Variants in MSH4 observed in about 807,000 individuals in gnomAD.
MSH4 encodes the protein mutS homolog 4.
In MSH4, 106 loss-of-function variants were observed where a neutral mutation model predicts 113.7. The observed-to-expected ratio is 0.93, with a 90% CI of 0.80 to 1.10. The LOEUF is 1.10. MSH4 is among the 50% of genes least tolerant of loss of function. The pLI is 0.00. For synonymous variants in MSH4, 368 were observed against 380.2 expected, an observed-to-expected ratio of 0.97 and a Z score of 0.37; for missense variants, 1,061 against 1,093.7, an observed-to-expected ratio of 0.97 and a Z score of 0.42.
chr1:75,806,392 C>T (rs1650061802), intron 2 of MSH4, among the ~76,000 whole-genome samples: 1 of 151,762 alleles, frequency 6.6e-6, no homozygotes, highest in Non-Finnish European at 1.5e-5. Flanking sequence ...GGACCACAGG[C>T]ACCTGCCACC....
chr1:75,888,235 C>CTAT (rs1278609762), intron 15 of MSH4, among the ~76,000 whole-genome samples: 7 of 150,690 alleles, frequency 4.6e-5, no homozygotes, highest in Non-Finnish European at 1.0e-4. Flanking sequence ...TTTTTTGCTG[C>CTAT]TATTATTTCA....
At chr1:75,822,288 C>CAAAAA (rs33965683) in intron 6 of MSH4, 121 bp from the exon 7 acceptor site, 14 of 387,174 alleles carry the variant, frequency 3.6e-5, no homozygotes, top group South Asian at 6.6e-5. Context: ...GACTCTGTTT[C>CAAAAA]AAAAAAAAAA....
At chr1:75,889,132 C>T (rs1652194668) in intron 15 of MSH4, 119 bp from the exon 16 acceptor site, 2 of 544,674 alleles carry the variant, frequency 3.7e-6, no homozygotes, top group Non-Finnish European at 3.3e-6. Flanking sequence ...TCTTCTAATG[C>T]CATATCTAGT....
intron 6 of MSH4, among the ~76,000 whole-genome samples, chr1:75,817,655 T>C (rs1051804972): frequency 6.6e-6 from 1 of 152,202 alleles, no homozygotes; most frequent in Non-Finnish European, 1.5e-5. Context: ...AAGATGGATA[T>C]TCTACGTACT....
chr1:75,889,717 A>C (rs1652209660), intron 16 of MSH4, among the ~76,000 whole-genome samples: 1 of 152,138 alleles, frequency 6.6e-6, no homozygotes, highest in African/African-American at 2.4e-5. Flanking sequence ...TTTAAAACAA[A>C]AGATTACTGT....
chr1:75,834,184 C>T (rs1451028415), intron 7 of MSH4, among the ~76,000 whole-genome samples: 1 of 152,214 alleles, frequency 6.6e-6, no homozygotes, highest in African/African-American at 2.4e-5. Flanking sequence ...AAAAAGTACT[C>T]CTTATCACTG....
intron 7 of MSH4, among the ~76,000 whole-genome samples, chr1:75,834,845 C>T (rs1479729525): frequency 1.3e-5 from 2 of 152,092 alleles, no homozygotes; most frequent in African/African-American, 4.8e-5. Context: ...ACGGGTGCAG[C>T]ACACCAACAT....
chr1:75,803,424 C>G (rs1229578027), intron 1 of MSH4, among the ~76,000 whole-genome samples: 1 of 151,942 alleles, frequency 6.6e-6, no homozygotes, highest in East Asian at 1.9e-4. Context: ...CGAGACCAGC[C>G]CAGCCAACAT....
chr1:75,801,638 C>G (rs1424884104), intron 1 of MSH4, among the ~76,000 whole-genome samples: 1 of 150,146 alleles, frequency 6.7e-6, no homozygotes, highest in East Asian at 2.0e-4. Flanking sequence ...CTTTGGGAGG[C>G]TGAAGTGGGA....
chr1:75,898,456 T>C (rs968039060), intron 18 of MSH4, among the ~76,000 whole-genome samples: 35 of 152,178 alleles, frequency 2.3e-4, no homozygotes, highest in African/African-American at 7.9e-4. Context: ...TTCTTCAGGT[T>C]CTGGGTACTT....
chr1:75,889,819 C>T (rs998260471), intron 16 of MSH4, among the ~76,000 whole-genome samples: 3 of 152,036 alleles, frequency 2.0e-5, no homozygotes, highest in Non-Finnish European at 4.4e-5. Context: ...ATTGAGCAAA[C>T]GTCAAGTAGG....
At chr1:75,813,931 C>CT (rs1650240329) in intron 4 of MSH4, among the ~76,000 whole-genome samples, 2 of 152,102 alleles carry the variant, frequency 1.3e-5, no homozygotes, top group Non-Finnish European at 2.9e-5. Context: ...ATTTGAGTCT[C>CT]AGCTTTGGCA....
intron 7 of MSH4, among the ~76,000 whole-genome samples, chr1:75,840,805 C>G (rs61770533): frequency 0.21 from 31,346 of 151,964 alleles, 3,570 homozygotes; most frequent in Middle Eastern, 0.3. Context: ...TATATCTGTC[C>G]TCAAGGACCT....
At chr1:75,803,939 G>C (rs376634545) in intron 2 of MSH4, 26 bp downstream of exon 2, 310 of 1,414,118 alleles carry the variant, frequency 2.2e-4, no homozygotes, top group Admixed American at 5.2e-4. Context: ...GATTAACCTA[G>C]ATGATGTTTT....
intron 15 of MSH4, among the ~76,000 whole-genome samples, chr1:75,887,804 A>ATGTTTT (rs1188118937): frequency 6.6e-6 from 1 of 151,944 alleles, no homozygotes; most frequent in East Asian, 1.9e-4. Context: ...CAGTTTGTTT[A>ATGTTTT]TGTTTTTGTT....
intron 11 of MSH4, 149 bp from the exon 12 acceptor site, chr1:75,878,841 AAT>A: frequency 4.6e-6 from 3 of 658,158 alleles, no homozygotes; most frequent in East Asian, 3.4e-5. Flanking sequence ...AAAAAAAAAA[AAT>A]TATTAGAGTT....
At chr1:75,834,383 G>A (rs1192739360) in intron 7 of MSH4, among the ~76,000 whole-genome samples, 2 of 152,164 alleles carry the variant, frequency 1.3e-5, no homozygotes, top group African/African-American at 4.8e-5. Flanking sequence ...GATTCCTCAA[G>A]GATCTAGAAC....
At chr1:75,806,936 A>T (rs1650080679) in intron 2 of MSH4, 45 bp from the exon 3 acceptor site, 1 of 1,473,676 alleles carries the variant, frequency 6.8e-7, no homozygotes. Flanking sequence ...AAAAGAAATG[A>T]TTATTATCAA....
At chr1:75,911,640 A>T (rs1652788080) in intron 19 of MSH4, among the ~76,000 whole-genome samples, 1 of 152,112 alleles carries the variant, frequency 6.6e-6, no homozygotes, top group Non-Finnish European at 1.5e-5. Context: ...TCCCCCATAG[A>T]TATATAAACG....
Sources: gnomAD v4.1 joint callset for allele counts (sites outside exome capture counted in the v4.1 genomes callset) on GRCh38, gnomAD v4.1.1 for gene constraint, MANE v1.5 for transcripts, NCBI Gene and HGNC (gene_info 2026-07-23, HGNC 2026-07-21) for gene names.